Variants in SHTN1 observed in about 807,000 individuals in gnomAD.
The protein encoded by SHTN1 is shootin 1.
In SHTN1, 42 loss-of-function variants were observed where a neutral mutation model predicts 83.1. The observed-to-expected ratio is 0.51, with a 90% CI of 0.39 to 0.65. SHTN1 has a LOEUF of 0.65. Ranked by LOEUF, SHTN1 falls within the 30% of genes least tolerant of loss-of-function variation. The pLI, the probability that SHTN1 is intolerant of heterozygous loss-of-function variation, is 0.00. For missense variants in SHTN1, 622 were observed against 737.8 expected (o/e 0.84, Z 1.82); for synonymous variants, 224 against 247.7 (o/e 0.90, Z 0.90).
intron 1 of SHTN1, among the ~76,000 whole-genome samples, chr10:117,065,843 A>AG: frequency 1.3e-5 from 1 of 79,546 alleles, no homozygotes; most frequent in African/African-American, 4.9e-5. Flanking sequence ...GAAGGAAGGA[A>AG]GGAAGGAAGG....
At position 116,984,221 on chromosome 10, in the gene SHTN1, T is replaced by C. The variant is rs990714624; in HGVS notation, c.59-4913A>G. On this transcript the variant is annotated intron_variant, in intron 1 of 16. Transcript: ENST00000355371. ...CCAACCAATACTTACCAGACCTGTG[T>C]TGTCCAAAATGGTAGCCATTAGCCA... Among the ~76,000 whole-genome samples the C allele has an allele frequency of 2.0e-5, 3 of 152,214 alleles. No individual in the cohort carries two copies. The East Asian group carries it at 5.8e-4, about 29-fold the overall frequency.
At chr10:117,031,982 C>A (rs1376619812) in intron 2 of SHTN1, among the ~76,000 whole-genome samples, 1 of 151,818 alleles carries the variant, frequency 6.6e-6, no homozygotes, top group Non-Finnish European at 1.5e-5. Flanking sequence ...GAAAACAAGA[C>A]CCAATGATCT....
chr10:116,937,256 T>C lies in SHTN1; in HGVS notation c.858+3210A>G, dbSNP rs568585971. 3.9e-5 allele frequency among the ~76,000 whole-genome samples: 6 copies of C among 152,314 alleles called. No homozygotes were observed. In the East Asian group the frequency reaches 1.2e-3, roughly 29 times the overall value. On this transcript the variant is annotated intron_variant, in intron 9 of 16. Coordinates refer to ENST00000355371, the MANE Select transcript of SHTN1 (RefSeq NM_001127211.3). Reference sequence around the variant, plus strand: ...TAGGTTATGCAGTCTCTTCATAGTGTCATTAGTCTTTACAATTTGGTATGT... The same window carrying C: ...TAGGTTATGCAGTCTCTTCATAGTGCCATTAGTCTTTACAATTTGGTATGT...
At chr10:116,965,462 A>C (rs1342534860) in intron 3 of SHTN1, among the ~76,000 whole-genome samples, 1 of 152,214 alleles carries the variant, frequency 6.6e-6, no homozygotes, top group Non-Finnish European at 1.5e-5. Flanking sequence ...GGTCGCAGCG[A>C]GCAGAGATCA....
At chr10:117,044,570 T>C (rs1046055971) in intron 2 of SHTN1, among the ~76,000 whole-genome samples, 3 of 152,180 alleles carry the variant, frequency 2.0e-5, no homozygotes, top group Non-Finnish European at 4.4e-5. Flanking sequence ...GTATTTTCTA[T>C]ATCAATTTGA....
chr10:116,968,701 A>G lies in SHTN1; in HGVS notation c.123T>C (p.Ile41=), dbSNP rs765087602. The part of the protein sequence containing the change: ...NQKTKEKCDK[I]RQERDEAVKK... Reference sequence around the variant, plus strand: ...TAACGGCTTCATCTCGTTCTTGCCTAATTTTGTCACACTGAAATGAGAGAA... The same window carrying G: ...TAACGGCTTCATCTCGTTCTTGCCTGATTTTGTCACACTGAAATGAGAGAA... The change falls in exon 3 of 17, where the codon ATT becomes ATC. Residue 41 remains isoleucine, a synonymous_variant. Coordinates refer to ENST00000355371, the MANE Select transcript of SHTN1 (RefSeq NM_001127211.3). The G allele has an allele frequency of 1.9e-6, 3 of 1,611,766 alleles. No individual in the cohort carries two copies. Among genetic ancestry groups the G allele is most frequent in the South Asian group, 2.2e-5 (2 of 90,754 alleles).
intron 10 of SHTN1, 131 bp from the exon 11 acceptor site, chr10:116,928,022 T>C (rs1009745557): frequency 1.0e-5 from 10 of 997,160 alleles, no homozygotes; most frequent in African/African-American, 5.0e-5. Flanking sequence ...GAAATTTCAA[T>C]ATGAAATTAC....
intron 1 of SHTN1, among the ~76,000 whole-genome samples, chr10:117,088,010 G>A (rs908945016): frequency 3.9e-5 from 6 of 152,162 alleles, no homozygotes; most frequent in Non-Finnish European, 5.9e-5. Flanking sequence ...GGCTGAGGCA[G>A]GAGGAAACAA....
chr10:117,104,806 A>G (rs568309918), intron 1 of SHTN1, among the ~76,000 whole-genome samples: 2 of 152,110 alleles, frequency 1.3e-5, no homozygotes, highest in South Asian at 4.2e-4. Flanking sequence ...TAAAACCTTA[A>G]AAAGATTATT....
chr10:117,074,983 A>C (rs1180548536), intron 1 of SHTN1, among the ~76,000 whole-genome samples: 7 of 152,362 alleles, frequency 4.6e-5, no homozygotes, highest in Non-Finnish European at 4.4e-5. Context: ...GATTGAAAAA[A>C]AAATTAAGAT....
chr10:117,079,311 T>A (rs1212605401), intron 1 of SHTN1, among the ~76,000 whole-genome samples: 147 of 137,936 alleles, frequency 1.1e-3, no homozygotes, highest in South Asian at 4.3e-3. Flanking sequence ...CTTGCGATAG[T>A]TTACTGAGAA....
At position 117,057,926 on chromosome 10, in the gene SHTN1, G is replaced by C. The variant is rs563738570; in HGVS notation, c.-188-9416C>G. ...TCAAGGGAGCTAAGACTATTCAATA[G>C]GGAAAGGACAGTCTTTTCAATAAAT... On this transcript the variant is annotated intron_variant, in intron 1 of 17. Transcript: ENST00000392901. 7.3e-4 allele frequency among the ~76,000 whole-genome samples: 111 copies of C among 152,284 alleles called. 2 individuals are homozygous for C. In the South Asian group the frequency reaches 0.022, roughly 30 times the overall value.
At chr10:117,082,505 A>ACAGAAC (rs1192731175) in intron 1 of SHTN1, among the ~76,000 whole-genome samples, 1 of 151,842 alleles carries the variant, frequency 6.6e-6, no homozygotes. Context: ...AAAAAAATGT[A>ACAGAAC]TACTCTGTTG....
intron 1 of SHTN1, among the ~76,000 whole-genome samples, chr10:117,094,518 G>A (rs1853479713): frequency 6.6e-6 from 1 of 152,146 alleles, no homozygotes. Context: ...TTATTACCAT[G>A]TGTTTCTTTA....
At chr10:117,115,052 C>T (rs1336086313) in intron 1 of SHTN1, among the ~76,000 whole-genome samples, 1 of 152,130 alleles carries the variant, frequency 6.6e-6, no homozygotes, top group Non-Finnish European at 1.5e-5. Flanking sequence ...TTCTGACAGT[C>T]CAGGAAGATG....
At chr10:117,026,543 C>A (rs968443120) in intron 2 of SHTN1, among the ~76,000 whole-genome samples, 22 of 152,280 alleles carry the variant, frequency 1.4e-4, no homozygotes, top group African/African-American at 4.6e-4. Flanking sequence ...CTGCCTCAGC[C>A]TCCCAAGTAG....
intron 14 of SHTN1, among the ~76,000 whole-genome samples, chr10:116,907,320 A>T (rs754704927): frequency 6.6e-6 from 1 of 152,192 alleles, no homozygotes; most frequent in South Asian, 2.1e-4. Flanking sequence ...GTATGAAAGG[A>T]AAGTTATAAT....
chr10:117,036,863 A>T (rs1214424139), intron 2 of SHTN1, among the ~76,000 whole-genome samples: 1 of 152,222 alleles, frequency 6.6e-6, no homozygotes, highest in Admixed American at 6.5e-5. Context: ...TATGCATTAC[A>T]TGCTTGTATC....
intron 1 of SHTN1, among the ~76,000 whole-genome samples, chr10:116,983,628 G>T (rs1294463257): frequency 8.6e-5 from 13 of 151,092 alleles, no homozygotes; most frequent in Admixed American, 8.6e-4. Flanking sequence ...TAGAGCCTGG[G>T]CATCCAGATA....
Sources: allele counts gnomAD v4.1 joint callset (sites outside exome capture counted in the v4.1 genomes callset), GRCh38; gene constraint gnomAD v4.1.1; transcripts MANE v1.5; gene names NCBI Gene and HGNC (gene_info 2026-07-23, HGNC 2026-07-21).